Variants in HMCN2 observed in about 807,000 individuals in gnomAD.
HMCN2 encodes the protein hemicentin-2.
Under a neutral mutation model 377.5 loss-of-function variants are expected in HMCN2, and 325 were observed. The ratio of observed to expected loss-of-function variants is 0.86; its 90% CI spans 0.79 to 0.94. The LOEUF (loss-of-function observed/expected upper bound fraction) is 0.94, where lower values mean the gene tolerates loss of function less well. HMCN2 is among the 40% of genes least tolerant of loss of function. The pLI is 0.00. For missense variants in HMCN2, 4,543 were observed against 4,725.3 expected (o/e 0.96, Z 1.13); for synonymous variants, 2,007 against 2,046.8 (o/e 0.98, Z 0.53).
chr9:130,429,752 C>T, intron 94 of HMCN2, 67 bp downstream of exon 94: 3 of 1,298,320 alleles, frequency 2.3e-6, no homozygotes, highest in Non-Finnish European at 2.0e-6. Flanking sequence ...ATGCAGGGCC[C>T]CAGCCTGCCC....
intron 62 of HMCN2, among the ~76,000 whole-genome samples, chr9:130,388,988 C>T (rs1318671520): frequency 6.6e-6 from 1 of 152,234 alleles, no homozygotes; most frequent in Non-Finnish European, 1.5e-5. Flanking sequence ...GCTGCTGTGC[C>T]CACCGTTCCT....
chr9:130,355,525 G>A (rs1839978932), intron 32 of HMCN2, among the ~76,000 whole-genome samples: 1 of 152,246 alleles, frequency 6.6e-6, no homozygotes, highest in Admixed American at 6.5e-5. Context: ...CTGCCAGGGA[G>A]GCAGATGTTA....
chr9:130,296,365 T>C (rs1365318946), intron 6 of HMCN2, among the ~76,000 whole-genome samples: 1 of 151,984 alleles, frequency 6.6e-6, no homozygotes, highest in Non-Finnish European at 1.5e-5. Flanking sequence ...GTAATGCCAA[T>C]GGGGAGGGCA....
At chr9:130,397,438 TG>T (rs1286891707) in intron 73 of HMCN2, 89 bp from the exon 74 acceptor site, 6 of 1,180,482 alleles carry the variant, frequency 5.1e-6, no homozygotes, top group Non-Finnish European at 6.6e-6. Flanking sequence ...ACTGGGAAAG[TG>T]GGGGCAGAGG....
At position 130,410,662 on chromosome 9, in the gene HMCN2, G is replaced by A. The variant is rs751703521; in HGVS notation, c.12961+10G>A. 73 of 1,550,196 alleles carry A rather than the reference G, an allele frequency of 4.7e-5. No homozygotes were observed. In the Admixed American group the frequency reaches 5.9e-4, roughly 12 times the overall value. Reference sequence around the variant, plus strand: ...ATCCTCGTCCTGCAGAGTGAGTCTCGGCCTCAGCAGAGTGGGGACGTGGGA... The same window carrying A: ...ATCCTCGTCCTGCAGAGTGAGTCTCAGCCTCAGCAGAGTGGGGACGTGGGA... On this transcript the variant is annotated intron_variant, in intron 85 of 97. Coordinates refer to ENST00000683500, the MANE Select transcript of HMCN2 (RefSeq NM_001291815.2).
At chr9:130,326,941 A>G (rs1259990073) in intron 21 of HMCN2, among the ~76,000 whole-genome samples, 6 of 152,136 alleles carry the variant, frequency 3.9e-5, no homozygotes, top group African/African-American at 1.4e-4. Flanking sequence ...TGAATGAGCA[A>G]GGGGAGAAGG....
At chr9:130,340,205 A>G (rs1838972471) in intron 23 of HMCN2, among the ~76,000 whole-genome samples, 1 of 152,266 alleles carries the variant, frequency 6.6e-6, no homozygotes, top group African/African-American at 2.4e-5. Flanking sequence ...GGGAAGCCAC[A>G]GCCAGGGGGA....
Position 130,354,885 on chromosome 9 carries a change from G to A in HMCN2, c.4987G>A (p.Glu1663Lys), listed in dbSNP as rs147929126. The change falls in exon 32 of 98, where the codon GAG (glutamate) becomes AAG (lysine). Residue 1663 changes from glutamate to lysine, a missense_variant. Physicochemically the swap from Glu to Lys is moderately conservative, Grantham distance 56. Coordinates refer to ENST00000683500, the MANE Select transcript of HMCN2 (RefSeq NM_001291815.2). The part of the protein sequence containing the change: ...HPSPTLSWHH[E>K]GLPVAESNES... ...GTCCCCCACCCTCTCCTGGCACCACGAGGGGCTGCCCGTGGCAGAGAGCAA... is the reference window on the plus strand; with the variant it reads ...GTCCCCCACCCTCTCCTGGCACCACAAGGGGCTGCCCGTGGCAGAGAGCAA... 8,409 of 1,304,282 alleles carry A rather than the reference G, an allele frequency of 6.4e-3. 68 individuals carry two copies. The highest frequency in any genetic ancestry group is 9.8e-3 in the Middle Eastern group (46 of 4,698). 80.8% of individuals were successfully genotyped at this position (1,304,282 alleles called of 1,614,324 possible). A position where few individuals can be genotyped will look rare whatever the true frequency, so the allele number is the denominator to read the frequency against.
rs1405695856 is a variant in HMCN2, at chr9:130,425,943, G to T, written c.13879+19G>T. 4.6e-6 allele frequency: 7 copies of T among 1,525,616 alleles called. No individual in the cohort carries two copies. Among genetic ancestry groups the T allele is most frequent in the East Asian group, 4.9e-5 (2 of 40,714 alleles). 94.5% of individuals were successfully genotyped at this position (1,525,616 alleles called of 1,614,324 possible). A position where few individuals can be genotyped will look rare whatever the true frequency, so the allele number is the denominator to read the frequency against. On this transcript the variant is annotated intron_variant, in intron 90 of 97. Transcript: ENST00000683500. ...CAGGCGGGTGAGGCCCCTCTGCTTT[G>T]TTCCACCCCCACTGCCCCAGCTAAA...
Position 130,407,602 on chromosome 9 carries a change from G to A in HMCN2, c.12585G>A (p.Thr4195=), listed in dbSNP as rs750397796. 9.3e-6 allele frequency: 12 copies of A among 1,288,972 alleles called. No individual in the cohort carries two copies. Among genetic ancestry groups the A allele is most frequent in the African/African-American group, 6.1e-5 (4 of 65,840 alleles). The allele number at this position is 1,288,972 out of a possible 1,614,324, so 79.8% of individuals were successfully genotyped here. A position where few individuals can be genotyped will look rare whatever the true frequency, so the allele number is the denominator to read the frequency against. ...EGVSEQDGGS[T]LQRAAVSRED... ...TGTCTGAGCAGGATGGAGGCAGCAC[G>A]CTGCAGCGGGCCGCTGTCTCCAGAG... Residue 4195 remains threonine (T), a synonymous_variant, in exon 83 of 98, where the codon ACG becomes ACA. Transcript: ENST00000683500.
Position 130,360,373 on chromosome 9 carries a change from A to ATTCCCCCTTGCTTCTCTCTTCCT in HMCN2, c.5774-43_5774-21dup. ...CCTTTCCCCCTTACTTCTCTCTTCC[A>ATTCCCCCTTGCTTCTCTCTTCCT]TTCCCCCTTGCTTCTCTCTTCCTTT... On this transcript the variant is annotated intron_variant, in intron 37 of 97. Coordinates refer to ENST00000683500, the MANE Select transcript of HMCN2 (RefSeq NM_001291815.2). This position sits in a 1 kb window ranked among gnomAD's most constrained non-coding sequence, Gnocchi z 4.7. The ATTCCCCCTTGCTTCTCTCTTCCT allele has an allele frequency of 4.1e-6, 4 of 971,582 alleles. No individual in the cohort carries two copies. The South Asian group carries it at 8.3e-5, about 20-fold the overall frequency. The allele number at this position is 971,582 out of a possible 1,614,324, so 60.2% of individuals were successfully genotyped here. A position where few individuals can be genotyped will look rare whatever the true frequency, so the allele number is the denominator to read the frequency against.
At chr9:130,274,058 T>TA (rs1554922121) in intron 1 of HMCN2, among the ~76,000 whole-genome samples, 1 of 151,940 alleles carries the variant, frequency 6.6e-6, no homozygotes, top group Non-Finnish European at 1.5e-5. Flanking sequence ...CATTAATTTT[T>TA]TTTTTTTTTT....
chr9:130,345,307 GTGT>G (rs1588276690), intron 25 of HMCN2, among the ~76,000 whole-genome samples: 2 of 146,136 alleles, frequency 1.4e-5, no homozygotes, highest in African/African-American at 2.6e-5. Flanking sequence ...TGTGGTGTGT[GTGT>G]TGTTTGATAT....
rs138970442 is a variant in HMCN2 at position 130,403,837 on chromosome 9, C to A, written c.12110C>A (p.Ala4037Glu). 1.6e-4 allele frequency: 210 copies of A among 1,289,738 alleles called. 1 individual carries two copies. In the Middle Eastern group the frequency reaches 3.0e-3, roughly 18 times the overall value. 79.9% of individuals were successfully genotyped at this position (1,289,738 alleles called of 1,614,324 possible). The stretch of plus-strand genomic sequence containing the variant: ...TATCTCTGCATCGCTAAGAACAGTG[C>A]GGGCAGTGCCATGGGGAAGACGCGG... ...GNYLCIAKNS[A>E]GSAMGKTRLV... is the part of the protein sequence containing the mutation. Residue 4037 changes from alanine (A) to glutamate (E), a missense_variant, in exon 80 of 98, where the codon GCG (alanine) becomes GAG (glutamate). Physicochemically the swap from Ala to Glu is moderately radical, Grantham distance 107 (BLOSUM62 -1). Around this residue, in one of 5 missense-constraint regions of HMCN2, gnomAD observed 1,073 missense variants for 1,319.5 expected, o/e 0.81. Coordinates refer to ENST00000683500, the MANE Select transcript of HMCN2 (RefSeq NM_001291815.2).
intron 7 of HMCN2, among the ~76,000 whole-genome samples, chr9:130,297,330 G>A (rs1836226033): frequency 1.3e-5 from 2 of 152,178 alleles, no homozygotes; most frequent in Non-Finnish European, 2.9e-5. Context: ...GAGGGTGGAG[G>A]CACAGGCATC....
chr9:130,402,448 G>A (rs933632851), intron 77 of HMCN2, among the ~76,000 whole-genome samples: 1 of 152,264 alleles, frequency 6.6e-6, no homozygotes, highest in Admixed American at 6.5e-5. Flanking sequence ...ATGACAGGAT[G>A]TGGAACTGTG....
At chr9:130,324,679 C>A (rs900542527) in intron 19 of HMCN2, among the ~76,000 whole-genome samples, 2 of 152,066 alleles carry the variant, frequency 1.3e-5, no homozygotes, top group African/African-American at 4.8e-5. Flanking sequence ...GGCTGGAGTG[C>A]AGTGGCGCAA....
Position 130,379,434 on chromosome 9 carries a change from C to T in HMCN2, c.8398C>T (p.Leu2800Phe). The part of the protein sequence containing the change: ...DLTWYREDQP[L>F]SAGDEVSVLQ... Reference sequence around the variant, plus strand: ...CACCTGGTACAGAGAGGATCAGCCCCTCTCGGCCGGGGATGAGGTGTCTGT... The same window carrying T: ...CACCTGGTACAGAGAGGATCAGCCCTTCTCGGCCGGGGATGAGGTGTCTGT... The change falls in exon 54 of 98, where the codon CTC becomes TTC. Residue 2800 changes from leucine (L) to phenylalanine (F), a missense_variant. By Grantham distance (22) the Leu-to-Phe change is conservative. Coordinates refer to ENST00000683500, the MANE Select transcript of HMCN2 (RefSeq NM_001291815.2). The T allele has an allele frequency of 1.0e-6, 1 of 985,876 alleles. No homozygotes were observed. Among genetic ancestry groups the T allele is most frequent in the Middle Eastern group, 5.2e-4 (1 of 1,914 alleles). 61.1% of individuals were successfully genotyped at this position (985,876 alleles called of 1,614,324 possible). A position where few individuals can be genotyped will look rare whatever the true frequency, so the allele number is the denominator to read the frequency against.
chr9:130,299,622 T>A (rs113937933), intron 8 of HMCN2, among the ~76,000 whole-genome samples: 10,668 of 134,502 alleles, frequency 0.079, 476 homozygotes, highest in Non-Finnish European at 0.11. Context: ...CACCCACCCA[T>A]CCACTCACCC....
Sources: gnomAD v4.1 joint callset for allele counts (sites outside exome capture counted in the v4.1 genomes callset) on GRCh38, gnomAD v4.1.1 for gene constraint, gnomAD v4.1.1 regional missense constraint, Gnocchi (gnomAD v3.1) non-coding constraint, MANE v1.5 for transcripts, NCBI Gene and HGNC (gene_info 2026-07-23, HGNC 2026-07-21) for gene names.